Variants in PXDNL observed in about 807,000 individuals in gnomAD.
The protein encoded by PXDNL is probable oxidoreductase PXDNL.
PXDNL carries 145 observed loss-of-function variants against 150.8 expected under a neutral mutation model. The observed-to-expected ratio is 0.96, with a 90% CI of 0.84 to 1.10. The LOEUF (loss-of-function observed/expected upper bound fraction) is 1.10. Among genes scored for constraint, PXDNL ranks in the 50% least tolerant of loss-of-function variants. The probability of loss-of-function intolerance (pLI) is 0.00; values close to 1 mark genes in which losing one functional copy is unlikely to be tolerated. For synonymous variants in PXDNL, 757 were observed against 725.7 expected (o/e 1.04, Z -0.69); for missense variants, 2,087 against 1,873.9 (o/e 1.11, Z -2.10).
chr8:51,656,992 G>A (rs369233125), intron 1 of PXDNL, among the ~76,000 whole-genome samples: 27 of 41,068 alleles, frequency 6.6e-4, no homozygotes, highest in African/African-American at 7.2e-4. Flanking sequence ...GACTTATGAC[G>A]GGGTTATGTC....
intron 4 of PXDNL, among the ~76,000 whole-genome samples, chr8:51,525,775 G>A (rs1811758391): frequency 6.6e-6 from 1 of 152,172 alleles, no homozygotes; most frequent in African/African-American, 2.4e-5. Context: ...GTCAGCGGTC[G>A]CGATGATGGC....
At chr8:51,490,142 A>T (rs1810856692) in intron 5 of PXDNL, among the ~76,000 whole-genome samples, 1 of 152,246 alleles carries the variant, frequency 6.6e-6, no homozygotes, top group Non-Finnish European at 1.5e-5. Context: ...TTATGTAAGA[A>T]AATAACAGTT....
intron 19 of PXDNL, among the ~76,000 whole-genome samples, chr8:51,355,823 A>G (rs545376288): frequency 1.8e-4 from 27 of 152,340 alleles, no homozygotes; most frequent in African/African-American, 6.5e-4. Flanking sequence ...TGATTAGCTG[A>G]TACTGAAAAT....
chr8:51,651,443 A>G (rs963056374), intron 2 of PXDNL, among the ~76,000 whole-genome samples: 17 of 152,208 alleles, frequency 1.1e-4, no homozygotes, highest in African/African-American at 3.9e-4. Flanking sequence ...TTAAGGTTTA[A>G]GGAGTTAAAT....
At chr8:51,592,239 AG>A (rs1813459110) in intron 3 of PXDNL, among the ~76,000 whole-genome samples, 2 of 152,204 alleles carry the variant, frequency 1.3e-5, no homozygotes, top group Admixed American at 1.3e-4. Flanking sequence ...TGGCTTTGGA[AG>A]GTCTTGGATA....
chr8:51,592,696 A>C lies in PXDNL; in HGVS notation c.239T>G (p.Leu80Arg), dbSNP rs1813470470. Residue 80 changes from leucine to arginine, a missense_variant and splice_region_variant, in exon 3 of 23, where the codon CTG becomes CGG. By Grantham distance (102) the Leu-to-Arg change is moderately radical (BLOSUM62 -2). Transcript: ENST00000356297. ...FKKLKNLNTL[L>R]LNNNHIRKIS... ...CTTTCTGATGTGGTTGTTGTTCAGCAGACTGAAAAAGCAAAAACAAACAAA... is the reference window on the plus strand; with the variant it reads ...CTTTCTGATGTGGTTGTTGTTCAGCCGACTGAAAAAGCAAAAACAAACAAA... 6.5e-7 allele frequency: 1 copy of C among 1,542,110 alleles called. No homozygotes were observed. The highest frequency in any genetic ancestry group is 2.0e-5 in the Admixed American group (1 of 49,030).
intron 17 of PXDNL, among the ~76,000 whole-genome samples, chr8:51,391,363 G>A (rs1476970681): frequency 6.6e-6 from 1 of 152,142 alleles, no homozygotes; most frequent in Non-Finnish European, 1.5e-5. Flanking sequence ...CACCAACAGT[G>A]TAAAAGTGTT....
At chr8:51,644,368 GTATA>G (rs1271016805) in intron 2 of PXDNL, among the ~76,000 whole-genome samples, 1 of 49,830 alleles carries the variant, frequency 2.0e-5, no homozygotes, top group South Asian at 8.2e-4. Flanking sequence ...ACACACATAT[GTATA>G]TATATACACA....
At chr8:51,791,039 G>A (rs577076554) in intron 1 of PXDNL, among the ~76,000 whole-genome samples, 51 of 152,122 alleles carry the variant, frequency 3.4e-4, no homozygotes, top group Non-Finnish European at 6.3e-4. Context: ...CCTGGTACAT[G>A]GTAAATAAGC....
chr8:51,410,706 GC>G (rs1808607915), intron 16 of PXDNL, among the ~76,000 whole-genome samples: 1 of 152,144 alleles, frequency 6.6e-6, no homozygotes. Flanking sequence ...AAATCTGAAA[GC>G]TTTCTATATC....
At chr8:51,675,341 T>C (rs1453803942) in intron 1 of PXDNL, among the ~76,000 whole-genome samples, 1 of 152,166 alleles carries the variant, frequency 6.6e-6, no homozygotes, top group African/African-American at 2.4e-5. Flanking sequence ...GCTTTCCACC[T>C]TCTGCAACCT....
At chr8:51,445,465 T>C (rs1809653321) in intron 12 of PXDNL, among the ~76,000 whole-genome samples, 1 of 152,250 alleles carries the variant, frequency 6.6e-6, no homozygotes, top group South Asian at 2.1e-4. Context: ...TACGGATATG[T>C]AGTAGATTTA....
At chr8:51,735,064 A>T (rs1025314520) in intron 1 of PXDNL, among the ~76,000 whole-genome samples, 3 of 152,256 alleles carry the variant, frequency 2.0e-5, no homozygotes, top group Non-Finnish European at 4.4e-5. Flanking sequence ...CATCACAAAA[A>T]AGATAAGTAT....
At chr8:51,767,041 T>C (rs975730824) in intron 1 of PXDNL, among the ~76,000 whole-genome samples, 1 of 152,150 alleles carries the variant, frequency 6.6e-6, no homozygotes, top group Non-Finnish European at 1.5e-5. Flanking sequence ...ATTGATGTTT[T>C]CTATTTGGTT....
chr8:51,705,954 G>A (rs1416079721), intron 1 of PXDNL, among the ~76,000 whole-genome samples: 1 of 152,220 alleles, frequency 6.6e-6, no homozygotes, highest in Non-Finnish European at 1.5e-5. Context: ...TAAGTTAGAA[G>A]CAGTATTTAA....
intron 3 of PXDNL, among the ~76,000 whole-genome samples, chr8:51,581,714 A>G (rs1460648324): frequency 2.6e-5 from 4 of 152,130 alleles, no homozygotes; most frequent in Non-Finnish European, 4.4e-5. Flanking sequence ...CTTTGATTTC[A>G]GAGCAATTCT....
intron 21 of PXDNL, 112 bp from the exon 22 acceptor site, chr8:51,321,009 G>A (rs1805299002): frequency 1.3e-6 from 1 of 775,702 alleles, no homozygotes; most frequent in Non-Finnish European, 2.1e-6. Flanking sequence ...CACCTAGAAG[G>A]CAAAAGAAAC....
intron 4 of PXDNL, among the ~76,000 whole-genome samples, chr8:51,506,297 C>A (rs1811284545): frequency 6.6e-6 from 1 of 152,130 alleles, no homozygotes; most frequent in Non-Finnish European, 1.5e-5. Flanking sequence ...AATCCCAGCA[C>A]TTTGGGAGGC....
In PXDNL at chr8:51,809,239, G is replaced by A. The variant is rs1289780089; in HGVS notation, c.106C>T (p.Arg36Cys). The A allele has an allele frequency of 4.3e-6, 7 of 1,612,796 alleles. No homozygotes were observed. Among genetic ancestry groups the A allele is most frequent in the South Asian group, 2.2e-5 (2 of 90,698 alleles). Residue 36 changes from arginine to cysteine, a missense_variant, in exon 1 of 23, where the codon CGC (arginine) becomes TGC (cysteine). By Grantham distance (180) the Arg-to-Cys change is radical (BLOSUM62 -3). Transcript: ENST00000356297. ...SRCLCFKSTV[R>C]CMHLMLDHIP... is the part of the protein sequence containing the mutation. The stretch of plus-strand genomic sequence containing the variant: ...TGGTCCAGCATCAAGTGCATGCAGC[G>A]GACGGTGCTCTTAAAGCAAAGGCAC...
Sources: allele counts gnomAD v4.1 joint callset (sites outside exome capture counted in the v4.1 genomes callset), GRCh38; gene constraint gnomAD v4.1.1; transcripts MANE v1.5; gene names NCBI Gene and HGNC (gene_info 2026-07-23, HGNC 2026-07-21).